NBAS: variants seen among roughly 807,000 people sequenced by gnomAD.
NBAS encodes NAG/BC035112 fusion.
Under a neutral mutation model 302.5 loss-of-function variants are expected in NBAS, and 219 were observed. The observed-to-expected ratio is 0.72, with a 90% confidence interval of 0.65 to 0.81. The LOEUF is 0.81. Ranked by LOEUF, NBAS falls within the 30% of genes least tolerant of loss-of-function variation. The pLI is 0.00. For missense variants in NBAS, 2,932 were observed against 2,841.6 expected, an observed-to-expected ratio of 1.03 and a Z score of -0.72; for synonymous variants, 1,118 against 1,021.6, an observed-to-expected ratio of 1.09 and a Z score of -1.80.
the NBAS span, among the ~76,000 whole-genome samples, chr2:15,000,955 A>T: frequency 6.6e-6 from 1 of 152,162 alleles, no homozygotes; most frequent in South Asian, 2.1e-4. Flanking sequence ...AGGGTGAACG[A>T]CACACCACAC....
intron 18 of NBAS, 93 bp from the exon 19 acceptor site, chr2:15,467,500 A>C: frequency 7.6e-7 from 1 of 1,313,578 alleles, no homozygotes; most frequent in East Asian, 2.3e-5. Context: ...CGTTGAGCCC[A>C]AAACTCATGA....
At chr2:14,965,284 C>G in the NBAS span, among the ~76,000 whole-genome samples, 1 of 152,008 alleles carries the variant, frequency 6.6e-6, no homozygotes, top group African/African-American at 2.4e-5. Flanking sequence ...ATTGAGACCC[C>G]CCCTACCCAG....
chr2:15,492,024 C>T (rs1680877905), intron 11 of NBAS, among the ~76,000 whole-genome samples: 1 of 152,082 alleles, frequency 6.6e-6, no homozygotes. Flanking sequence ...TACTTGATCC[C>T]CTTAGTTTCA....
the NBAS span, among the ~76,000 whole-genome samples, chr2:14,915,521 A>C: frequency 6.6e-6 from 1 of 152,132 alleles, no homozygotes; most frequent in African/African-American, 2.4e-5. Flanking sequence ...GGTCTTTCCC[A>C]TGCTATTCTC....
At chr2:14,844,721 T>A in the NBAS span, among the ~76,000 whole-genome samples, 35 of 152,206 alleles carry the variant, frequency 2.3e-4, no homozygotes, top group African/African-American at 8.2e-4. Flanking sequence ...ACAAGCTGGC[T>A]GAAGAGTTTT....
chr2:15,278,548 G>A (rs774200520), intron 42 of NBAS, among the ~76,000 whole-genome samples: 10 of 152,048 alleles, frequency 6.6e-5, no homozygotes, highest in Non-Finnish European at 1.5e-4. Context: ...TGGCACAAAG[G>A]AAACATTCAA....
the NBAS span, among the ~76,000 whole-genome samples, chr2:15,086,057 G>A: frequency 6.6e-6 from 1 of 152,096 alleles, no homozygotes; most frequent in East Asian, 1.9e-4. Flanking sequence ...CTGAAACCTG[G>A]GGGACAGGTT....
chr2:15,359,284 G>A (rs1294853498), intron 32 of NBAS, among the ~76,000 whole-genome samples: 4 of 152,152 alleles, frequency 2.6e-5, no homozygotes, highest in Non-Finnish European at 5.9e-5. Context: ...ACAGGCACCT[G>A]ACCAACCATT....
At chr2:15,072,349 T>C in the NBAS span, among the ~76,000 whole-genome samples, 1 of 152,230 alleles carries the variant, frequency 6.6e-6, no homozygotes. Context: ...TCATTACTTA[T>C]TGGAGTTTTA....
chr2:15,033,650 A>G, the NBAS span, among the ~76,000 whole-genome samples: 1 of 152,154 alleles, frequency 6.6e-6, no homozygotes, highest in Non-Finnish European at 1.5e-5. Flanking sequence ...TTCCTCATGA[A>G]TGAGATGAAC....
chr2:15,051,060 CAG>C, the NBAS span, among the ~76,000 whole-genome samples: 6 of 152,162 alleles, frequency 3.9e-5, no homozygotes, highest in Non-Finnish European at 7.3e-5. Flanking sequence ...CAGTACCTAG[CAG>C]AGAGTCTTGC....
rs761851149 is a variant in NBAS, at chr2:15,277,096, G to T, written c.5144C>A (p.Ser1715Tyr). 1 of 1,613,582 alleles carries T rather than the reference G, an allele frequency of 6.2e-7. No homozygotes were observed. Among genetic ancestry groups the T allele is most frequent in the South Asian group, 1.1e-5 (1 of 90,976 alleles). Residue 1715 changes from serine to tyrosine, a missense_variant, in exon 43 of 52, where the codon TCC becomes TAC. Transcript: ENST00000281513. ...GGCTCTATTTTCAATTTCTAGTGTG[G>T]ACAAACTGAAATTAAGAGCCAAAGG... ...LEFLFTDSGLSTLEIENRAQD... is the reference protein window; with the variant it reads ...LEFLFTDSGLYTLEIENRAQD...
At chr2:15,217,353 T>C (rs1435884331) in intron 48 of NBAS, among the ~76,000 whole-genome samples, 1 of 152,224 alleles carries the variant, frequency 6.6e-6, no homozygotes, top group African/African-American at 2.4e-5. Context: ...GAGCAAACAA[T>C]AGTATTGACC....
chr2:15,358,392 G>C (rs1439316848), intron 32 of NBAS, among the ~76,000 whole-genome samples: 1 of 152,048 alleles, frequency 6.6e-6, no homozygotes, highest in Non-Finnish European at 1.5e-5. Context: ...CCGTGTGTGT[G>C]TGTATGTGTG....
the NBAS span, among the ~76,000 whole-genome samples, chr2:15,031,885 C>T: frequency 3.9e-5 from 6 of 152,144 alleles, no homozygotes; most frequent in Admixed American, 3.3e-4. Context: ...CCAGGGAGGG[C>T]CTCCTGAAAG....
intron 21 of NBAS, among the ~76,000 whole-genome samples, chr2:15,439,173 G>C (rs900988047): frequency 6.6e-6 from 1 of 151,856 alleles, no homozygotes; most frequent in African/African-American, 2.4e-5. Flanking sequence ...TGCAGTGGCA[G>C]GCACCTGCAG....
chr2:14,951,119 T>C, the NBAS span, among the ~76,000 whole-genome samples: 1 of 152,234 alleles, frequency 6.6e-6, no homozygotes, highest in African/African-American at 2.4e-5. Context: ...CTTAGATTTA[T>C]ACCACTTTGC....
intron 33 of NBAS, among the ~76,000 whole-genome samples, chr2:15,355,444 G>A (rs1046313752): frequency 2.6e-5 from 4 of 152,162 alleles, no homozygotes; most frequent in African/African-American, 9.7e-5. Context: ...ATTTCAATAT[G>A]AAGAATTTTG....
the NBAS span, among the ~76,000 whole-genome samples, chr2:15,140,983 G>A: frequency 6.6e-6 from 1 of 152,070 alleles, no homozygotes; most frequent in Non-Finnish European, 1.5e-5. Context: ...AAATGTATAG[G>A]ATACAGTATT....
Sources: gnomAD v4.1 joint callset for allele counts (sites outside exome capture counted in the v4.1 genomes callset) on GRCh38, gnomAD v4.1.1 for gene constraint, MANE v1.5 for transcripts, NCBI Gene and HGNC (gene_info 2026-07-23, HGNC 2026-07-21) for gene names.